Variants in ATXN3 observed in about 807,000 individuals in gnomAD.
ATXN3 encodes the protein ataxin-3.
A neutral mutation model predicts 58.2 loss-of-function variants in ATXN3; 28 were observed. That is an observed-to-expected ratio of 0.48 (90% CI 0.36 to 0.66). The LOEUF (loss-of-function observed/expected upper bound fraction) is 0.66. ATXN3 is among the 30% of genes least tolerant of loss of function. The probability of loss-of-function intolerance (pLI) is 0.00; values close to 1 mark genes in which losing one functional copy is unlikely to be tolerated. For missense variants in ATXN3, 321 were observed against 422.1 expected (o/e 0.76, Z 2.10); for synonymous variants, 113 against 138.5 (o/e 0.82, Z 1.29).
intron 6 of ATXN3, 57 bp from the exon 7 acceptor site, chr14:92,083,315 T>C: frequency 1.3e-6 from 2 of 1,494,950 alleles, no homozygotes; most frequent in East Asian, 4.6e-5. Flanking sequence ...TCAAAATTGA[T>C]GTAAAACACT....
At chr14:92,083,702 G>A (rs2061875394) in intron 6 of ATXN3, among the ~76,000 whole-genome samples, 1 of 152,260 alleles carries the variant, frequency 6.6e-6, no homozygotes, top group South Asian at 2.1e-4. Flanking sequence ...GTACCTTCCT[G>A]TGATGGTTAA....
chr14:92,070,889 TA>T, intron 10 of ATXN3, 45 bp downstream of exon 10: 1 of 1,613,916 alleles, frequency 6.2e-7, no homozygotes, highest in South Asian at 1.1e-5. Flanking sequence ...GTATGTCAGA[TA>T]AAGTGTGAAG....
chr14:92,096,625 A>G (rs1283216006), intron 2 of ATXN3, 49 bp downstream of exon 2: 1 of 646,164 alleles, frequency 1.5e-6, no homozygotes, highest in African/African-American at 1.9e-5. Context: ...CTCCGTCTCA[A>G]AAAAAAAAAA....
intron 10 of ATXN3, among the ~76,000 whole-genome samples, chr14:92,066,052 C>G (rs2058338831): frequency 1.3e-5 from 2 of 151,646 alleles, no homozygotes; most frequent in South Asian, 4.2e-4. Flanking sequence ...CTCAGCCTCC[C>G]TAAGTGCTAG....
chr14:92,093,544 T>A, intron 4 of ATXN3: 1 of 630,816 alleles, frequency 1.6e-6, no homozygotes, highest in South Asian at 2.1e-5. Context: ...AGCTCTGTGC[T>A]GCCACAGACA....
upstream of ATXN3, among the ~76,000 whole-genome samples, chr14:92,050,002 A>T (rs1412175623): frequency 1.3e-5 from 2 of 152,226 alleles, no homozygotes; most frequent in Non-Finnish European, 2.9e-5. Flanking sequence ...TTAACATAAA[A>T]GCTATGTCCT....
intron 9 of ATXN3, among the ~76,000 whole-genome samples, chr14:92,075,606 A>G (rs1023021128): frequency 6.6e-6 from 1 of 152,210 alleles, no homozygotes; most frequent in Non-Finnish European, 1.5e-5. Context: ...GAAAAGAAAA[A>G]CTAGAAAATC....
intron 10 of ATXN3, among the ~76,000 whole-genome samples, chr14:92,066,618 T>A (rs59217884): frequency 1.3e-4 from 13 of 100,350 alleles, no homozygotes; most frequent in South Asian, 3.6e-4. Flanking sequence ...TTTTTTTTTT[T>A]TTTTTTTGAG....
At chr14:92,076,718 T>C (rs2060456383) in intron 9 of ATXN3, among the ~76,000 whole-genome samples, 1 of 151,922 alleles carries the variant, frequency 6.6e-6, no homozygotes, top group Non-Finnish European at 1.5e-5. Context: ...GGTAGGCAGA[T>C]TGCCTGAGCT....
intron 6 of ATXN3, among the ~76,000 whole-genome samples, chr14:92,084,736 C>T (rs1236274309): frequency 6.6e-6 from 1 of 152,056 alleles, no homozygotes; most frequent in Non-Finnish European, 1.5e-5. Context: ...CCCACCACCA[C>T]ACCCAGTTAA....
At position 92,045,241 on chromosome 14, in the gene ATXN3, C is replaced by G. The variant is rs182233536; in HGVS notation, n.277-283G>C. ...AAGACCATTAGTCCGTTCTACCTTT[C>G]CTGAAGATTGAGGACGGTAAGGGGT... On this transcript the variant is annotated intron_variant and non_coding_transcript_variant, in intron 2 of 2. Transcript: ENST00000564606. Among the ~76,000 whole-genome samples the G allele has an allele frequency of 1.5e-4, 23 of 152,220 alleles. No homozygotes were observed. In the East Asian group the frequency reaches 3.9e-3, roughly 26 times the overall value.
intron 9 of ATXN3, among the ~76,000 whole-genome samples, chr14:92,076,297 A>C (rs2060344374): frequency 6.6e-6 from 1 of 151,766 alleles, no homozygotes. Context: ...AATACAAAAA[A>C]ATTAGCCCGA....
intron 6 of ATXN3, among the ~76,000 whole-genome samples, chr14:92,087,034 TTCTATGTTC>T (rs1343746329): frequency 1.3e-5 from 2 of 152,174 alleles, no homozygotes; most frequent in Admixed American, 1.3e-4. Flanking sequence ...TTTTAATTGC[TTCTATGTTC>T]TCAGCAGAAT....
rs2061361439 is a variant in ATXN3, at chr14:92,080,937, C to A, written c.872+28G>T. On this transcript the variant is annotated intron_variant, in intron 9 of 10. Transcript: ENST00000644486. ...ATAGCCAAAGCAAATATTAAACATG[C>A]TACTTTAACTTGTACCAACTACTTT... is the stretch of plus-strand genomic sequence containing the variant. 2.0e-6 allele frequency: 3 copies of A among 1,509,090 alleles called. No homozygotes were observed. The East Asian group carries it at 6.8e-5, about 34-fold the overall frequency. 93.5% of individuals were successfully genotyped at this position (1,509,090 alleles called of 1,614,324 possible).
chr14:92,072,755 T>A (rs1224831987), intron 9 of ATXN3, among the ~76,000 whole-genome samples: 2 of 143,758 alleles, frequency 1.4e-5, no homozygotes, highest in African/African-American at 2.6e-5. Context: ...ATCAAGTGTT[T>A]AAAAAAAAAA....
rs546648423 is a variant in ATXN3, at chr14:92,081,822, G to A, written c.775+478C>T. On this transcript the variant is annotated intron_variant, in intron 8 of 10. Coordinates refer to ENST00000644486, the MANE Select transcript of ATXN3 (RefSeq NM_004993.6). ...TTTTTCTTTGCCTAGATTGTCTAGG[G>A]GATATGTTTTCGCTTTTCTCTATTG... 3.3e-5 allele frequency among the ~76,000 whole-genome samples: 5 copies of A among 152,210 alleles called. No individual in the cohort carries two copies. In the South Asian group the frequency reaches 8.3e-4, roughly 25 times the overall value.
intron 1 of ATXN3, 33 bp from the exon 2 acceptor site, chr14:92,096,871 A>G (rs772206876): frequency 6.3e-7 from 1 of 1,582,148 alleles, no homozygotes; most frequent in African/African-American, 1.3e-5. Context: ...TTAAAATGTG[A>G]CTTGTTAAAC....
At chr14:92,085,762 C>A (rs933848546) in intron 6 of ATXN3, among the ~76,000 whole-genome samples, 2 of 152,080 alleles carry the variant, frequency 1.3e-5, no homozygotes, top group African/African-American at 4.8e-5. Context: ...AGGAGTTAGT[C>A]AAAGCTAGGT....
chr14:92,054,480 G>A (rs927052866), downstream of ATXN3, among the ~76,000 whole-genome samples: 7 of 152,246 alleles, frequency 4.6e-5, no homozygotes, highest in Non-Finnish European at 1.0e-4. Flanking sequence ...CACCATGACA[G>A]TTTGCAAATG....
Sources: allele counts gnomAD v4.1 joint callset (sites outside exome capture counted in the v4.1 genomes callset), GRCh38; gene constraint gnomAD v4.1.1; transcripts MANE v1.5; gene names NCBI Gene and HGNC (gene_info 2026-07-23, HGNC 2026-07-21).